CEP128: variants seen among roughly 807,000 people sequenced by gnomAD.
CEP128 encodes centrosomal protein 128kDa.
A neutral mutation model predicts 156.7 loss-of-function variants in CEP128; 132 were observed. The ratio of observed to expected loss-of-function variants is 0.84; its 90% CI spans 0.73 to 0.97. CEP128 has a LOEUF of 0.97. Among genes scored for constraint, CEP128 ranks in the 50% least tolerant of loss-of-function variants. CEP128 has a pLI of 0.00. For synonymous variants in CEP128, 469 were observed against 448.9 expected, an observed-to-expected ratio of 1.04 and a Z score of -0.57; for missense variants, 1,252 against 1,281.9, an observed-to-expected ratio of 0.98 and a Z score of 0.36.
intron 19 of CEP128, among the ~76,000 whole-genome samples, chr14:80,741,562 G>T (rs919238188): frequency 6.6e-6 from 1 of 152,048 alleles, no homozygotes; most frequent in South Asian, 2.1e-4. Context: ...AGCACTCAGT[G>T]ATGGAAACTC....
At chr14:80,761,203 T>G (rs552987455) in intron 17 of CEP128, among the ~76,000 whole-genome samples, 307 of 144,754 alleles carry the variant, frequency 2.1e-3, no homozygotes, top group Non-Finnish European at 1.6e-3. Context: ...AGATTTTTCT[T>G]TTTTTTTTTT....
chr14:80,844,823 T>C (rs747019165), intron 9 of CEP128, among the ~76,000 whole-genome samples: 8 of 152,090 alleles, frequency 5.3e-5, no homozygotes, highest in Non-Finnish European at 7.4e-5. Context: ...AGGGCTCTTA[T>C]AGGAATTATC....
chr14:80,834,130 T>G (rs1187119204), intron 12 of CEP128, among the ~76,000 whole-genome samples: 1 of 152,060 alleles, frequency 6.6e-6, no homozygotes, highest in Non-Finnish European at 1.5e-5. Flanking sequence ...TTTAATCAAT[T>G]CCCAGGCAGA....
At chr14:80,850,002 A>C (rs1595495275) in intron 9 of CEP128, among the ~76,000 whole-genome samples, 1 of 152,172 alleles carries the variant, frequency 6.6e-6, no homozygotes, top group East Asian at 1.9e-4. Context: ...AAAAATGCTC[A>C]TATCAAATTA....
At chr14:80,897,402 C>T (rs1471802605) in intron 7 of CEP128, among the ~76,000 whole-genome samples, 1 of 152,176 alleles carries the variant, frequency 6.6e-6, no homozygotes, top group Non-Finnish European at 1.5e-5. Context: ...ATGCTGACCA[C>T]TCTTAAATTT....
In CEP128 at chr14:80,743,235, T is replaced by C. The variant is rs766321714; in HGVS notation, c.2646A>G (p.Lys882=). Residue 882 remains lysine (K), a synonymous_variant, in exon 19 of 25, where the codon AAA becomes AAG. Transcript: ENST00000555265. ...TKLQWLCEEL[K]ERENREKNLR... ...GATTTTTCTCTCTGTTTTCTCTCTCTTTCAGTTCCTCACAGAGCCACTGAA... is the reference window on the plus strand; with the variant it reads ...GATTTTTCTCTCTGTTTTCTCTCTCCTTCAGTTCCTCACAGAGCCACTGAA... 4.3e-6 allele frequency: 7 copies of C among 1,613,224 alleles called. No homozygotes were observed. The African/African-American group carries it at 5.3e-5, about 12-fold the overall frequency.
chr14:80,840,766 T>C lies in CEP128; in HGVS notation c.765A>G (p.Ala255=). ...LGLMSLQLQE[A]LKKQEAKADE... Reference sequence around the variant, plus strand: ...CTGCTTTAGCTTCTTGTTTCTTTAGTGCCTGGAATGAAAGAGGTGGAAAAA... The same window carrying C: ...CTGCTTTAGCTTCTTGTTTCTTTAGCGCCTGGAATGAAAGAGGTGGAAAAA... Residue 255 remains alanine, a splice_region_variant and synonymous_variant, in exon 10 of 25, where the codon GCA becomes GCG. Transcript: ENST00000555265. The C allele has an allele frequency of 1.2e-6, 2 of 1,601,958 alleles. No individual in the cohort carries two copies. The highest frequency in any genetic ancestry group is 1.7e-6 in the Non-Finnish European group (2 of 1,170,656).
chr14:80,580,107 C>T (rs1891523287), intron 20 of CEP128, among the ~76,000 whole-genome samples: 1 of 152,136 alleles, frequency 6.6e-6, no homozygotes, highest in African/African-American at 2.4e-5. Flanking sequence ...AGGATACTGC[C>T]TTCATTTCCT....
chr14:80,494,581 A>G (rs138969609), downstream of CEP128, among the ~76,000 whole-genome samples: 26 of 152,334 alleles, frequency 1.7e-4, 1 homozygote, highest in East Asian at 5.0e-3. Context: ...ACAAAATTCA[A>G]TACAGATTAG....
intron 19 of CEP128, among the ~76,000 whole-genome samples, chr14:80,595,176 A>C (rs753742119): frequency 2.3e-4 from 35 of 152,240 alleles, no homozygotes; most frequent in Non-Finnish European, 4.1e-4. Context: ...TTGCAGGGAC[A>C]TGGATGAAGT....
chr14:80,838,974 C>T (rs1446713953), intron 10 of CEP128, among the ~76,000 whole-genome samples: 1 of 152,074 alleles, frequency 6.6e-6, no homozygotes, highest in Non-Finnish European at 1.5e-5. Flanking sequence ...TGGCAGACAC[C>T]CGTAATCCCA....
At position 80,900,147 on chromosome 14, in the gene CEP128, T is replaced by C. The variant is rs889710560; in HGVS notation, c.481-118A>G. Reference sequence around the variant, plus strand: ...CAATAATAACCAGATTCCGTAATATTATTATGAAAGAAAACACCTACTCTG... The same window carrying C: ...CAATAATAACCAGATTCCGTAATATCATTATGAAAGAAAACACCTACTCTG... On this transcript the variant is annotated intron_variant, in intron 6 of 24. Transcript: ENST00000555265. 8.0e-6 allele frequency: 5 copies of C among 627,606 alleles called. No individual in the cohort carries two copies. The African/African-American group carries it at 9.2e-5, about 12-fold the overall frequency. The allele number at this position is 627,606 out of a possible 1,614,324, so 38.9% of individuals were successfully genotyped here.
At chr14:80,776,686 A>G (rs568833219) in intron 16 of CEP128, among the ~76,000 whole-genome samples, 2 of 151,956 alleles carry the variant, frequency 1.3e-5, no homozygotes, top group African/African-American at 4.8e-5. Context: ...TCCTTTCATC[A>G]TAGATTTAAG....
At chr14:80,809,855 A>C (rs1471813175) in intron 13 of CEP128, among the ~76,000 whole-genome samples, 5 of 152,180 alleles carry the variant, frequency 3.3e-5, no homozygotes, top group African/African-American at 9.6e-5. Flanking sequence ...AGGGAGTCTT[A>C]AACCTGAAAG....
chr14:80,955,982 C>G, intron 2 of CEP128: 1 of 1,115,266 alleles, frequency 9.0e-7, no homozygotes. Flanking sequence ...GAGTGAATGT[C>G]TGTGTGTGTA....
intron 2 of CEP128, among the ~76,000 whole-genome samples, chr14:80,939,147 T>C (rs1233786129): frequency 2.0e-5 from 3 of 152,252 alleles, no homozygotes; most frequent in African/African-American, 7.2e-5. Context: ...CCTTGCTTAA[T>C]AGAAACAGGT....
chr14:80,495,892 A>G (rs1887477067), downstream of CEP128, among the ~76,000 whole-genome samples: 1 of 152,208 alleles, frequency 6.6e-6, no homozygotes, highest in Non-Finnish European at 1.5e-5. Context: ...TCAAACCATC[A>G]ATGGAAATAC....
At chr14:80,677,233 G>A (rs146705666) in intron 19 of CEP128, among the ~76,000 whole-genome samples, 42 of 152,242 alleles carry the variant, frequency 2.8e-4, no homozygotes, top group Admixed American at 9.2e-4. Context: ...AAGGCCAGGC[G>A]TGGTGGCTGA....
At chr14:80,514,943 G>A (rs775618575) in intron 23 of CEP128, among the ~76,000 whole-genome samples, 10 of 152,186 alleles carry the variant, frequency 6.6e-5, no homozygotes, top group Non-Finnish European at 1.2e-4. Flanking sequence ...CTGCATTAAA[G>A]GGCACCTGAA....
Sources: gnomAD v4.1 joint callset for allele counts (sites outside exome capture counted in the v4.1 genomes callset) on GRCh38, gnomAD v4.1.1 for gene constraint, MANE v1.5 for transcripts, NCBI Gene and HGNC (gene_info 2026-07-23, HGNC 2026-07-21) for gene names.